The following UBE2F variants were observed in gnomAD, a reference collection of about 807,000 sequenced individuals.
The protein encoded by UBE2F is NEDD8-conjugating enzyme UBE2F.
In UBE2F, 5 loss-of-function variants were observed where a neutral mutation model predicts 29.6. The ratio of observed to expected loss-of-function variants is 0.17; its 90% CI spans 0.09 to 0.36. The LOEUF is 0.36. Ranked by LOEUF, UBE2F falls within the 10% of genes least tolerant of loss-of-function variation. The pLI is 1.00. For synonymous variants in UBE2F, 66 were observed against 81.8 expected, an observed-to-expected ratio of 0.81 and a Z score of 1.04; for missense variants, 141 against 228.5, an observed-to-expected ratio of 0.62 and a Z score of 2.47.
chr2:238,033,321 T>C (rs950620235), intron 8 of UBE2F, among the ~76,000 whole-genome samples: 6 of 152,272 alleles, frequency 3.9e-5, no homozygotes, highest in African/African-American at 1.4e-4. Context: ...TACGATATTA[T>C]ACGTTCCTTT....
At chr2:237,997,955 C>T (rs1197541417) in intron 4 of UBE2F, among the ~76,000 whole-genome samples, 2 of 152,062 alleles carry the variant, frequency 1.3e-5, no homozygotes, top group Non-Finnish European at 2.9e-5. Flanking sequence ...TGAAATATCC[C>T]GTGGAGGCTT....
chr2:238,002,417 A>G (rs924978820), intron 4 of UBE2F, among the ~76,000 whole-genome samples: 35 of 152,264 alleles, frequency 2.3e-4, no homozygotes, highest in African/African-American at 7.7e-4. Flanking sequence ...TTATATTTTT[A>G]GTAAAGACGA....
intron 4 of UBE2F, among the ~76,000 whole-genome samples, chr2:237,995,479 G>A (rs995625243): frequency 2.6e-5 from 4 of 152,218 alleles, no homozygotes; most frequent in Admixed American, 2.0e-4. Context: ...GTTGGACAGT[G>A]GGTGGCAACC....
intron 3 of UBE2F, among the ~76,000 whole-genome samples, chr2:237,992,012 G>A (rs114629133): frequency 0.013 from 1,916 of 152,124 alleles, 21 homozygotes; most frequent in Non-Finnish European, 0.022. Context: ...TTACAGGCAT[G>A]CGCCATTACA....
intron 9 of UBE2F, among the ~76,000 whole-genome samples, chr2:238,038,186 G>A (rs900858563): frequency 9.9e-5 from 15 of 152,220 alleles, no homozygotes; most frequent in African/African-American, 3.4e-4. Flanking sequence ...TGGTGGGCAT[G>A]GGGAGTGGTG....
chr2:238,004,630 G>A (rs983606292), intron 4 of UBE2F, among the ~76,000 whole-genome samples: 5 of 152,124 alleles, frequency 3.3e-5, no homozygotes, highest in African/African-American at 1.2e-4. Flanking sequence ...AGATGTCTGT[G>A]TCTTAATTCC....
intron 2 of UBE2F, among the ~76,000 whole-genome samples, chr2:237,979,912 G>C (rs538237495): frequency 6.6e-6 from 1 of 152,340 alleles, no homozygotes; most frequent in Non-Finnish European, 1.5e-5. Context: ...GCCTGGAGGG[G>C]ACCATGAGCA....
At position 237,967,245 on chromosome 2, in the gene UBE2F, C is replaced by T. The variant is rs1481267797; in HGVS notation, c.-17+113C>T. On this transcript the variant is annotated intron_variant, in intron 1 of 9. Transcript: ENST00000272930. The surrounding 1 kb of genome is among the most constrained non-coding windows in gnomAD (Gnocchi z 6.3). ...CGGTGGCGGGGCCGCCTCGGGCCCG[C>T]CGGGTTCCTCACGCCGGGGGCCTGG... 5.5e-6 allele frequency: 4 copies of T among 730,268 alleles called. No homozygotes were observed. The highest frequency in any genetic ancestry group is 1.9e-5 in the African/African-American group (1 of 51,792). 45.2% of individuals were successfully genotyped at this position (730,268 alleles called of 1,614,324 possible). A position where few individuals can be genotyped will look rare whatever the true frequency, so the allele number is the denominator to read the frequency against.
At chr2:238,010,633 A>T (rs769196333) in intron 4 of UBE2F, among the ~76,000 whole-genome samples, 2 of 152,082 alleles carry the variant, frequency 1.3e-5, no homozygotes, top group Admixed American at 6.5e-5. Flanking sequence ...CCAGCCCCTC[A>T]AAGTGGGGGA....
chr2:237,979,463 T>C (rs945485780), intron 2 of UBE2F, among the ~76,000 whole-genome samples: 3 of 152,248 alleles, frequency 2.0e-5, no homozygotes, highest in Non-Finnish European at 2.9e-5. Flanking sequence ...CTGGAACCAC[T>C]GTCTCCAGCG....
At chr2:238,015,141 A>T (rs1298188699) in intron 4 of UBE2F, among the ~76,000 whole-genome samples, 1 of 152,222 alleles carries the variant, frequency 6.6e-6, no homozygotes, top group African/African-American at 2.4e-5. Context: ...ATATTGATAT[A>T]ATCTTGGTTG....
chr2:238,028,811 A>T (rs969356424), intron 6 of UBE2F, among the ~76,000 whole-genome samples: 36 of 152,226 alleles, frequency 2.4e-4, no homozygotes, highest in African/African-American at 8.4e-4. Flanking sequence ...TATCAGAGGT[A>T]ACAATTATGG....
Position 237,967,056 on chromosome 2 carries a change from C to A in UBE2F, c.-93C>A, listed in dbSNP as rs1469818727. The stretch of plus-strand genomic sequence containing the variant: ...CGGGAGCCGGTGCGGCTGTGAGGGG[C>A]CGCGTCTCGCAGCAGCCGCCCGGAC... On this transcript the variant is annotated 5_prime_UTR_variant, in exon 1 of 10. Coordinates refer to ENST00000272930, the MANE Select transcript of UBE2F (RefSeq NM_080678.3). The surrounding 1 kb of genome is among the most constrained non-coding windows in gnomAD (Gnocchi z 6.3). 1.5e-6 allele frequency: 2 copies of A among 1,318,138 alleles called. No individual in the cohort carries two copies. Among genetic ancestry groups the A allele is most frequent in the Admixed American group, 7.6e-5 (2 of 26,348 alleles). 81.7% of individuals were successfully genotyped at this position (1,318,138 alleles called of 1,614,324 possible).
chr2:237,983,466 C>T (rs187612384), intron 2 of UBE2F, among the ~76,000 whole-genome samples: 23 of 152,286 alleles, frequency 1.5e-4, no homozygotes, highest in African/African-American at 2.6e-4. Context: ...TAATGGGCCA[C>T]GTGCCTCTAC....
At chr2:237,991,622 T>TTTTTTTTTTTTTTTTTA in intron 3 of UBE2F, among the ~76,000 whole-genome samples, 1 of 138,860 alleles carries the variant, frequency 7.2e-6, no homozygotes, top group Non-Finnish European at 1.6e-5. Context: ...TTTTTTTTTT[T>TTTTTTTTTTTTTTTTTA]GAGACAGTCT....
chr2:238,030,664 C>T, intron 7 of UBE2F, 51 bp downstream of exon 7: 1 of 1,401,932 alleles, frequency 7.1e-7, no homozygotes, highest in East Asian at 2.3e-5. Context: ...TGGTCCTCTC[C>T]CTGCAGTAGC....
intron 4 of UBE2F, among the ~76,000 whole-genome samples, chr2:238,003,945 G>A (rs139951126): frequency 3.9e-5 from 6 of 152,166 alleles, no homozygotes; most frequent in African/African-American, 1.2e-4. Context: ...GGCAATCATC[G>A]ACCTGATTTC....
chr2:238,037,528 C>T (rs888317077), intron 9 of UBE2F, among the ~76,000 whole-genome samples: 2 of 152,244 alleles, frequency 1.3e-5, no homozygotes, highest in Non-Finnish European at 2.9e-5. Flanking sequence ...GGTGGTAGAA[C>T]CTCGCACTCC....
chr2:238,009,474 C>T (rs901385564), intron 4 of UBE2F, among the ~76,000 whole-genome samples: 2 of 152,304 alleles, frequency 1.3e-5, no homozygotes, highest in Admixed American at 6.5e-5. Flanking sequence ...TGCAATGTCT[C>T]ATTTGCTGTT....
Sources: gnomAD v4.1 joint callset for allele counts (sites outside exome capture counted in the v4.1 genomes callset) on GRCh38, gnomAD v4.1.1 for gene constraint, Gnocchi (gnomAD v3.1) non-coding constraint, MANE v1.5 for transcripts, NCBI Gene and HGNC (gene_info 2026-07-23, HGNC 2026-07-21) for gene names.